ZNF609: variants seen among roughly 807,000 people sequenced by gnomAD.
The protein encoded by ZNF609 is zinc finger protein 609.
In ZNF609, 11 loss-of-function variants were observed where a neutral mutation model predicts 109.5. That is an observed-to-expected ratio of 0.10 (90% confidence interval 0.06 to 0.17). The LOEUF is 0.17. Ranked by LOEUF, ZNF609 falls within the 10% of genes least tolerant of loss-of-function variation. The pLI is 1.00. For synonymous variants in ZNF609, 646 were observed against 662.0 expected, an observed-to-expected ratio of 0.98 and a Z score of 0.37; for missense variants, 1,559 against 1,772.4, an observed-to-expected ratio of 0.88 and a Z score of 2.16.
At chr15:64,608,074 T>A (rs1895642965) in intron 2 of ZNF609, among the ~76,000 whole-genome samples, 1 of 151,444 alleles carries the variant, frequency 6.6e-6, no homozygotes, top group Non-Finnish European at 1.5e-5. Context: ...AATTTTTGTA[T>A]TTTTAGAAGA....
At chr15:64,624,914 C>T (rs1046767833) in intron 3 of ZNF609, among the ~76,000 whole-genome samples, 1 of 151,976 alleles carries the variant, frequency 6.6e-6, no homozygotes, top group African/African-American at 2.4e-5. Context: ...CACATACCAC[C>T]ACGCCTGGTC....
chr15:64,626,198 A>T (rs1895960400), intron 3 of ZNF609, among the ~76,000 whole-genome samples: 1 of 151,848 alleles, frequency 6.6e-6, no homozygotes. Flanking sequence ...TCTGAAAGAG[A>T]ACTGTTCAGC....
intron 1 of ZNF609, among the ~76,000 whole-genome samples, chr15:64,475,538 G>A (rs1036087291): frequency 8.6e-5 from 13 of 151,724 alleles, no homozygotes; most frequent in Non-Finnish European, 1.5e-4. Context: ...ACAGTTGCCC[G>A]CCACCGCGCC....
chr15:64,667,654 A>G (rs961040402), intron 3 of ZNF609, among the ~76,000 whole-genome samples: 4 of 151,972 alleles, frequency 2.6e-5, no homozygotes, highest in South Asian at 2.1e-4. Context: ...GGAGGTTGCA[A>G]TGAGCTGAGA....
intron 2 of ZNF609, among the ~76,000 whole-genome samples, chr15:64,565,692 G>C (rs1595720397): frequency 6.6e-6 from 1 of 152,236 alleles, no homozygotes; most frequent in East Asian, 1.9e-4. Flanking sequence ...AAGATTACTA[G>C]AATAAGCATC....
chr15:64,626,254 C>T (rs528400565), intron 3 of ZNF609, among the ~76,000 whole-genome samples: 1 of 152,152 alleles, frequency 6.6e-6, no homozygotes, highest in African/African-American at 2.4e-5. Context: ...CCCCAGAGGG[C>T]CTTCACCTGA....
chr15:64,557,358 C>G (rs1894606681), intron 2 of ZNF609, among the ~76,000 whole-genome samples: 1 of 152,122 alleles, frequency 6.6e-6, no homozygotes, highest in Non-Finnish European at 1.5e-5. Flanking sequence ...ACTCCTTCTT[C>G]TGCACCCACT....
chr15:64,665,054 G>C (rs1896627560), intron 3 of ZNF609, among the ~76,000 whole-genome samples: 1 of 152,114 alleles, frequency 6.6e-6, no homozygotes, highest in African/African-American at 2.4e-5. Context: ...CACCTTTTGG[G>C]GGAGACATCC....
At chr15:64,650,903 C>G (rs1896406962) in intron 3 of ZNF609, among the ~76,000 whole-genome samples, 2 of 151,480 alleles carry the variant, frequency 1.3e-5, no homozygotes, top group Non-Finnish European at 2.9e-5. Flanking sequence ...GGGGGGGGAT[C>G]CTTTGTCATT....
At chr15:64,497,824 C>T (rs1893505740) in intron 1 of ZNF609, among the ~76,000 whole-genome samples, 1 of 151,574 alleles carries the variant, frequency 6.6e-6, no homozygotes, top group Non-Finnish European at 1.5e-5. Flanking sequence ...TTGCTTGAAC[C>T]CGGGAGGCAG....
chr15:64,541,170 G>A (rs1894249960), intron 2 of ZNF609, among the ~76,000 whole-genome samples: 1 of 151,848 alleles, frequency 6.6e-6, no homozygotes, highest in African/African-American at 2.4e-5. Context: ...GCTCACGCCT[G>A]TAATCCCAGC....
intron 2 of ZNF609, among the ~76,000 whole-genome samples, chr15:64,561,718 C>A (rs1370776515): frequency 2.6e-5 from 4 of 151,926 alleles, no homozygotes; most frequent in African/African-American, 9.7e-5. Flanking sequence ...ATTTTCATTC[C>A]TGACTTTTTT....
chr15:64,560,598 C>T (rs78696138), intron 2 of ZNF609, among the ~76,000 whole-genome samples: 7 of 152,118 alleles, frequency 4.6e-5, no homozygotes, highest in African/African-American at 1.4e-4. Flanking sequence ...TGTGCATTCA[C>T]GCACATGAGC....
Position 64,684,707 on chromosome 15 carries a change from G to C in ZNF609, c.*3021G>C, listed in dbSNP as rs947196651. The C allele has an allele frequency of 1.3e-5, 2 of 152,664 alleles. No individual in the cohort carries two copies. Among genetic ancestry groups the C allele is most frequent in the African/African-American group, 4.8e-5 (2 of 41,450 alleles). 9.5% of individuals were successfully genotyped at this position (152,664 alleles called of 1,614,324 possible). A position where few individuals can be genotyped will look rare whatever the true frequency, so the allele number is the denominator to read the frequency against. ...GCCATGGCAGGACTTAGAGTTGCGA[G>C]TTAAGACTGCAGAGGGCTAGAGAAT... On this transcript the variant is annotated 3_prime_UTR_variant, in exon 10 of 10. Transcript: ENST00000326648.
chr15:64,553,931 G>A (rs1037689622), intron 2 of ZNF609, among the ~76,000 whole-genome samples: 3 of 152,218 alleles, frequency 2.0e-5, no homozygotes, highest in South Asian at 2.1e-4. Context: ...GATCTTATAC[G>A]CTGCAACCAT....
intron 2 of ZNF609, chr15:64,593,367 G>C: frequency 1.0e-6 from 1 of 970,274 alleles, no homozygotes; most frequent in Non-Finnish European, 1.6e-6. Context: ...CTATTCTCTG[G>C]AGAAAAATAA....
chr15:64,577,573 ATATATATG>A, intron 2 of ZNF609, among the ~76,000 whole-genome samples: 1 of 11,944 alleles, frequency 8.4e-5, no homozygotes, highest in African/African-American at 1.6e-4. Context: ...AAATATATAC[ATATATATG>A]TGTATATATA....
At chr15:64,679,469 A>G (rs1256459396) in intron 6 of ZNF609, among the ~76,000 whole-genome samples, 4 of 152,214 alleles carry the variant, frequency 2.6e-5, no homozygotes, top group Non-Finnish European at 5.9e-5. Flanking sequence ...GTGGAAGGGC[A>G]CTGCTTTAGC....
At chr15:64,546,608 G>A (rs1052127101) in intron 2 of ZNF609, among the ~76,000 whole-genome samples, 1 of 151,692 alleles carries the variant, frequency 6.6e-6, no homozygotes, top group Non-Finnish European at 1.5e-5. Context: ...GAGTAGCTGG[G>A]ACAACAGGTG....
Sources: gnomAD v4.1 joint callset for allele counts (sites outside exome capture counted in the v4.1 genomes callset) on GRCh38, gnomAD v4.1.1 for gene constraint, MANE v1.5 for transcripts, NCBI Gene and HGNC (gene_info 2026-07-23, HGNC 2026-07-21) for gene names.